The following TET3 variants were observed in gnomAD, a reference collection of about 807,000 sequenced individuals.
TET3 encodes the protein methylcytosine dioxygenase TET3.
A neutral mutation model predicts 141.4 loss-of-function variants in TET3; 19 were observed. The observed-to-expected ratio is 0.13, with a 90% CI of 0.09 to 0.20. The LOEUF (loss-of-function observed/expected upper bound fraction) is 0.20, where lower values mean the gene tolerates loss of function less well. TET3 is among the 10% of genes least tolerant of loss of function. The pLI is 1.00. For synonymous variants in TET3, 1,043 were observed against 980.9 expected, an observed-to-expected ratio of 1.06 and a Z score of -1.18; for missense variants, 1,874 against 2,356.9, an observed-to-expected ratio of 0.80 and a Z score of 4.24.
intron 4 of TET3, among the ~76,000 whole-genome samples, chr2:74,060,914 C>T (rs186317722): frequency 0.031 from 4,777 of 152,294 alleles, 107 homozygotes; most frequent in Non-Finnish European, 0.052. Flanking sequence ...ATGTCTACCT[C>T]TTTCTACACA....
the TET3 span, chr2:74,122,882 T>C: frequency 9.4e-3 from 1,421 of 151,652 alleles, 23 homozygotes; most frequent in Non-Finnish European, 0.013. Context: ...TTTATAGAGA[T>C]GGGATTTCAC....
chr2:73,996,126 C>T (rs1480673244), intron 2 of TET3, among the ~76,000 whole-genome samples: 2 of 152,158 alleles, frequency 1.3e-5, no homozygotes, highest in East Asian at 3.9e-4. Context: ...GAGTTGTCCT[C>T]TCTGTTGTGG....
At chr2:74,124,088 AG>A in the TET3 span, among the ~76,000 whole-genome samples, 2 of 146,858 alleles carry the variant, frequency 1.4e-5, no homozygotes, top group South Asian at 2.2e-4. Context: ...CGAAGTGAGG[AG>A]CCCCTCCGCC....
At chr2:74,001,725 C>G (rs1684856713) in intron 2 of TET3, among the ~76,000 whole-genome samples, 1 of 152,180 alleles carries the variant, frequency 6.6e-6, no homozygotes, top group African/African-American at 2.4e-5. Flanking sequence ...TCTTTCTCAT[C>G]CTGCCCTCCT....
chr2:74,105,314 GCT>G lies in TET3; in HGVS notation c.*3141_*3142del, dbSNP rs1691434427. 1 of 398,446 alleles carries G rather than the reference GCT, an allele frequency of 2.5e-6. No individual in the cohort carries two copies. The allele number at this position is 398,446 out of a possible 1,614,324, so 24.7% of individuals were successfully genotyped here. On this transcript the variant is annotated 3_prime_UTR_variant, in exon 12 of 12. Transcript: ENST00000409262. Reference sequence around the variant, plus strand: ...AGTGCAAACATTTGGTTCCTTTTCTGCTCTGTTTTGTTTTCCCTGCCTGTTGC... The same window carrying G: ...AGTGCAAACATTTGGTTCCTTTTCTGCTGTTTTGTTTTCCCTGCCTGTTGC...
rs550085928 is a variant in TET3 at position 74,006,519 on chromosome 2, C to T, written c.360+3353C>T. Among the ~76,000 whole-genome samples, 35 of 152,322 alleles carry T rather than the reference C, an allele frequency of 2.3e-4. No homozygotes were observed. The East Asian group carries it at 2.5e-3, about 11-fold the overall frequency. On this transcript the variant is annotated intron_variant, in intron 3 of 11. Coordinates refer to ENST00000409262, the MANE Select transcript of TET3 (RefSeq NM_001287491.2). The stretch of plus-strand genomic sequence containing the variant: ...CCCTGGACCTGCCCTCAGGGACCAC[C>T]GTGGGGACGACTACAGCCCTTTTGC...
At chr2:74,001,675 T>A (rs952066283) in intron 2 of TET3, among the ~76,000 whole-genome samples, 8 of 152,000 alleles carry the variant, frequency 5.3e-5, no homozygotes, top group Non-Finnish European at 8.8e-5. Flanking sequence ...AGGAAGTAAA[T>A]CTAGGAGTGG....
chr2:74,084,742 C>T (rs1369652675), intron 6 of TET3, among the ~76,000 whole-genome samples: 4 of 152,220 alleles, frequency 2.6e-5, no homozygotes, highest in Non-Finnish European at 5.9e-5. Context: ...CATGAGCTAA[C>T]GCACCCAGCC....
Position 74,081,211 on chromosome 2 carries a change from CCAAA to C in TET3, c.2679+623_2679+626del, listed in dbSNP as rs1434207050. Reference sequence around the variant, plus strand: ...CATCAGTGACTCAGACCCCAAGTCACCAAACAGAGTCCTTCTGACCTTGCCCTCC... The same window carrying C: ...CATCAGTGACTCAGACCCCAAGTCACCAGAGTCCTTCTGACCTTGCCCTCC... On this transcript the variant is annotated intron_variant, in intron 6 of 11. Coordinates refer to ENST00000409262, the MANE Select transcript of TET3 (RefSeq NM_001287491.2). 9.8e-5 allele frequency among the ~76,000 whole-genome samples: 15 copies of C among 152,332 alleles called. No individual in the cohort carries two copies. The East Asian group carries it at 2.9e-3, about 29-fold the overall frequency.
rs1402170257 is a variant in TET3, at chr2:74,093,580, C to T, written c.3181C>T (p.Arg1061Trp). ...CTGCCGTCTGGGGCTGAAGGAAGGA[C>T]GGCCCTTCGCGGGGGTCACGGCCTG... The part of the protein sequence containing the change: ...IDCRLGLKEG[R>W]PFAGVTACMD... The change falls in exon 10 of 12, where the codon CGG becomes TGG. Residue 1061 changes from arginine (R) to tryptophan (W), a missense_variant. This residue lies in a region of TET3 where 126 missense variants were observed against 327.4 expected (regional missense o/e 0.38). Coordinates refer to ENST00000409262, the MANE Select transcript of TET3 (RefSeq NM_001287491.2). The surrounding 1 kb of genome is among the most constrained non-coding windows in gnomAD (Gnocchi z 4.2). The T allele has an allele frequency of 1.2e-6, 2 of 1,613,500 alleles. No homozygotes were observed. Among genetic ancestry groups the T allele is most frequent in the Non-Finnish European group, 1.7e-6 (2 of 1,179,662 alleles).
rs779790932 is a variant in TET3 at position 74,100,591 on chromosome 2, G to C, written c.3803G>C (p.Ser1268Thr). 3 of 1,613,834 alleles carry C rather than the reference G, an allele frequency of 1.9e-6. No individual in the cohort carries two copies. In the Admixed American group the frequency reaches 5.0e-5, roughly 27 times the overall value. ...YSYHSYYAQP[S>T]LTSVNGFHSK... is the part of the protein sequence containing the mutation. The stretch of plus-strand genomic sequence containing the variant: ...TACCACTCCTACTATGCACAGCCCA[G>C]CCTGACCTCCGTCAATGGCTTCCAC... The change falls in exon 12 of 12, where the codon AGC (serine) becomes ACC (threonine). Residue 1268 changes from serine to threonine, a missense_variant. Physicochemically the swap from Ser to Thr is moderately conservative, Grantham distance 58 (BLOSUM62 1). Around this residue, in one of 10 missense-constraint regions of TET3, gnomAD observed 602 missense variants for 590.2 expected, o/e 1.02. Transcript: ENST00000409262.
intron 3 of TET3, among the ~76,000 whole-genome samples, chr2:74,026,579 C>T (rs1335608042): frequency 1.3e-5 from 2 of 152,070 alleles, no homozygotes; most frequent in African/African-American, 4.8e-5. Context: ...AGCAGAACTC[C>T]CTTGTATAAT....
chr2:73,992,702 A>G (rs1684397420), intron 2 of TET3, among the ~76,000 whole-genome samples: 1 of 152,176 alleles, frequency 6.6e-6, no homozygotes, highest in Admixed American at 6.5e-5. Context: ...TGGAATTATG[A>G]TGATTGAAAG....
At chr2:74,091,217 GTGGTTGCTTCAATGAA>G (rs1234483081) in intron 8 of TET3, among the ~76,000 whole-genome samples, 1 of 152,178 alleles carries the variant, frequency 6.6e-6, no homozygotes, top group Non-Finnish European at 1.5e-5. Context: ...AGCAGCAGAT[GTGGTTGCTTCAATGAA>G]TGGAGCCCTG....
chr2:74,067,248 T>C (rs1260242317), intron 4 of TET3, among the ~76,000 whole-genome samples: 1 of 152,260 alleles, frequency 6.6e-6, no homozygotes, highest in Non-Finnish European at 1.5e-5. Flanking sequence ...ATTCATGAAA[T>C]GTTTAAGCAC....
At chr2:74,083,290 G>A (rs749897482) in intron 6 of TET3, among the ~76,000 whole-genome samples, 1 of 152,244 alleles carries the variant, frequency 6.6e-6, no homozygotes, top group African/African-American at 2.4e-5. Flanking sequence ...ACACCTGGCA[G>A]CAAGATGGGC....
At chr2:74,038,428 G>A (rs1490310435) in intron 3 of TET3, among the ~76,000 whole-genome samples, 4 of 152,222 alleles carry the variant, frequency 2.6e-5, no homozygotes, top group African/African-American at 9.6e-5. Flanking sequence ...ATATTGTGAA[G>A]CAGGGAAGAA....
At chr2:74,022,533 G>T (rs1413126336) in intron 3 of TET3, among the ~76,000 whole-genome samples, 1 of 147,716 alleles carries the variant, frequency 6.8e-6, no homozygotes, top group Non-Finnish European at 1.5e-5. Context: ...TTACATGCTT[G>T]TGTGATCAAA....
At chr2:74,017,067 C>T (rs1407316480) in intron 3 of TET3, among the ~76,000 whole-genome samples, 1 of 152,066 alleles carries the variant, frequency 6.6e-6, no homozygotes, top group Non-Finnish European at 1.5e-5. Context: ...AGCAGAATTG[C>T]TTGAGGTGGG....
Sources: gnomAD v4.1 joint callset for allele counts (sites outside exome capture counted in the v4.1 genomes callset) on GRCh38, gnomAD v4.1.1 for gene constraint, gnomAD v4.1.1 regional missense constraint, Gnocchi (gnomAD v3.1) non-coding constraint, MANE v1.5 for transcripts, NCBI Gene and HGNC (gene_info 2026-07-23, HGNC 2026-07-21) for gene names.